Variants in CSNK1G1 observed in about 807,000 individuals in gnomAD.
CSNK1G1 encodes casein kinase 1 gamma 1.
A neutral mutation model predicts 59.6 loss-of-function variants in CSNK1G1; 22 were observed. The ratio of observed to expected loss-of-function variants is 0.37; its 90% confidence interval spans 0.26 to 0.53. CSNK1G1 has a LOEUF of 0.53. Among genes scored for constraint, CSNK1G1 ranks in the 20% least tolerant of loss-of-function variants. The pLI, the probability that CSNK1G1 is intolerant of heterozygous loss-of-function variation, is 0.89. For missense variants in CSNK1G1, 384 were observed against 519.5 expected (o/e 0.74, Z 2.54); for synonymous variants, 179 against 177.1 (o/e 1.01, Z -0.08).
chr15:64,214,065 C>T lies in CSNK1G1; in HGVS notation c.504G>A (p.Glu168=), dbSNP rs749104232. The change falls in exon 6 of 12, where the codon GAG becomes GAA. Residue 168 remains glutamate (E), a synonymous_variant. Coordinates refer to ENST00000303052, the MANE Select transcript of CSNK1G1 (RefSeq NM_022048.5). This position sits in a 1 kb window ranked among gnomAD's most constrained non-coding sequence, Gnocchi z 4.3. ...KNLIYRDVKP[E]NFLIGRQGNK... ...TGCCTTGTCGACCAATCAGGAAGTT[C>T]TCTGGCTTGACATCTCGGTAAATGA... The T allele has an allele frequency of 6.2e-7, 1 of 1,614,098 alleles. No homozygotes were observed. The highest frequency in any genetic ancestry group is 8.5e-7 in the Non-Finnish European group (1 of 1,180,004).
At chr15:64,231,060 C>T (rs989502928) in intron 4 of CSNK1G1, among the ~76,000 whole-genome samples, 2 of 151,580 alleles carry the variant, frequency 1.3e-5, no homozygotes, top group Non-Finnish European at 2.9e-5. Flanking sequence ...GGCATGGTGG[C>T]TCACACCTGT....
At chr15:64,246,176 G>A (rs1891743188) in intron 4 of CSNK1G1, among the ~76,000 whole-genome samples, 1 of 152,136 alleles carries the variant, frequency 6.6e-6, no homozygotes, top group Non-Finnish European at 1.5e-5. Flanking sequence ...ACATAGATAT[G>A]CATGTATCAA....
rs1174245120 is a variant in CSNK1G1 at position 64,327,519 on chromosome 15, T to C, written c.-224-26796A>G. On this transcript the variant is annotated intron_variant, in intron 1 of 11. Coordinates refer to ENST00000303052, the MANE Select transcript of CSNK1G1 (RefSeq NM_022048.5). ...AAAGGACATCCACACCGAAAACCCA[T>C]CTGTACATCACCATCATCAAAGACC... Among the ~76,000 whole-genome samples, 4 of 136,754 alleles carry C rather than the reference T, an allele frequency of 2.9e-5. No homozygotes were observed. In the East Asian group the frequency reaches 9.0e-4, roughly 31 times the overall value. The allele number at this position is 136,754 out of a possible 152,430, so 89.7% of individuals were successfully genotyped here. A position where few individuals can be genotyped will look rare whatever the true frequency, so the allele number is the denominator to read the frequency against.
rs1002949661 is a variant in CSNK1G1, at chr15:64,204,690, T to G, written c.851-101A>C. On this transcript the variant is annotated intron_variant, in intron 8 of 11. Transcript: ENST00000303052. ...ACAAAGGGGTTATTTATACAGACAA[T>G]TTGACACTGATGTTTTCTTTACTGA... 8 of 1,304,056 alleles carry G rather than the reference T, an allele frequency of 6.1e-6. No individual in the cohort carries two copies. In the African/African-American group the frequency reaches 1.2e-4, roughly 19 times the overall value. 80.8% of individuals were successfully genotyped at this position (1,304,056 alleles called of 1,614,324 possible).
chr15:64,182,107 A>AGT (rs1194581116), intron 10 of CSNK1G1, among the ~76,000 whole-genome samples: 1 of 116,074 alleles, frequency 8.6e-6, no homozygotes, highest in African/African-American at 3.5e-5. Flanking sequence ...TCTGTTGCCC[A>AGT]GGCTGGAGTG....
In CSNK1G1 at chr15:64,181,215, C is replaced by T. The variant is rs1446917194; in HGVS notation, c.1108-761G>A. On this transcript the variant is annotated intron_variant, in intron 10 of 11. Coordinates refer to ENST00000303052, the MANE Select transcript of CSNK1G1 (RefSeq NM_022048.5). ...ACGATCTTTATTTCAGGTTCACTGC[C>T]ATCCCAGTTCTCACTGATGGTCCCC... The T allele has an allele frequency of 3.3e-6, 5 of 1,532,604 alleles. No homozygotes were observed. The Admixed American group carries it at 8.0e-5, about 24-fold the overall frequency. The allele number at this position is 1,532,604 out of a possible 1,614,324, so 94.9% of individuals were successfully genotyped here.
At chr15:64,319,418 C>CT (rs754181670) in intron 1 of CSNK1G1, among the ~76,000 whole-genome samples, 93 of 146,216 alleles carry the variant, frequency 6.4e-4, no homozygotes, top group East Asian at 2.6e-3. Context: ...GGAAATATAC[C>CT]TTTTTTTTTT....
At chr15:64,332,253 G>A (rs28785571) in intron 1 of CSNK1G1, among the ~76,000 whole-genome samples, 64,527 of 70,094 alleles carry the variant, frequency 0.92, 30,078 homozygotes, top group East Asian at 0.99. Flanking sequence ...TATTCACAAT[G>A]GCAAAGACTT....
intron 9 of CSNK1G1, 111 bp downstream of exon 9, chr15:64,204,330 T>C: frequency 1.1e-6 from 1 of 922,626 alleles, no homozygotes; most frequent in Non-Finnish European, 1.6e-6. Context: ...ATCAAAGGAA[T>C]ATTTTTACCA....
chr15:64,171,477 T>G lies in CSNK1G1; in HGVS notation c.*454A>C, dbSNP rs1187778513. 1.2e-5 allele frequency: 2 copies of G among 160,396 alleles called. No individual in the cohort carries two copies. Among genetic ancestry groups the G allele is most frequent in the African/African-American group, 2.4e-5 (1 of 41,560 alleles). The allele number at this position is 160,396 out of a possible 1,614,324, so 9.9% of individuals were successfully genotyped here. ...CTCCAGCCCAGGTCTGCCATTTTCC[T>G]CCTACCTTCTTGGCCTTACCCCCAG... is the stretch of plus-strand genomic sequence containing the variant. On this transcript the variant is annotated 3_prime_UTR_variant, in exon 12 of 12. Coordinates refer to ENST00000303052, the MANE Select transcript of CSNK1G1 (RefSeq NM_022048.5). This position sits in a 1 kb window ranked among gnomAD's most constrained non-coding sequence, Gnocchi z 4.8.
chr15:64,186,536 G>A (rs1439747765), intron 10 of CSNK1G1, among the ~76,000 whole-genome samples: 1 of 152,130 alleles, frequency 6.6e-6, no homozygotes, highest in Non-Finnish European at 1.5e-5. Context: ...AAGAGACAGG[G>A]TCTTGCTCTG....
At chr15:64,332,723 TA>T (rs1230454327) in intron 1 of CSNK1G1, among the ~76,000 whole-genome samples, 8 of 145,250 alleles carry the variant, frequency 5.5e-5, no homozygotes, top group East Asian at 2.0e-4. Flanking sequence ...CAAAACAATT[TA>T]AAAAAAAACA....
At position 64,214,866 on chromosome 15, in the gene CSNK1G1, T is replaced by C. The variant is rs780798608; in HGVS notation, c.445-742A>G. On this transcript the variant is annotated intron_variant, in intron 5 of 11. Transcript: ENST00000303052. The surrounding 1 kb of genome is among the most constrained non-coding windows in gnomAD (Gnocchi z 4.3). Reference sequence around the variant, plus strand: ...GTTGGCCACACTGGTCTCAAACTCCTGACCTTGGGTGATCCGTCCTCCTCG... The same window carrying C: ...GTTGGCCACACTGGTCTCAAACTCCCGACCTTGGGTGATCCGTCCTCCTCG... 6.6e-6 allele frequency among the ~76,000 whole-genome samples: 1 copy of C among 151,932 alleles called. No individual in the cohort carries two copies. The highest frequency in any genetic ancestry group is 1.5e-5 in the Non-Finnish European group (1 of 67,950).
Position 64,216,478 on chromosome 15 carries a change from A to T in CSNK1G1, c.444+84T>A. On this transcript the variant is annotated intron_variant, in intron 5 of 11. Transcript: ENST00000303052. This position sits in a 1 kb window ranked among gnomAD's most constrained non-coding sequence, Gnocchi z 4.6. ...GAGTACTAATTCTTGATGTGTTGCTACGGCTAGTAAATCACCAAAAGGCCC... is the reference window on the plus strand; with the variant it reads ...GAGTACTAATTCTTGATGTGTTGCTTCGGCTAGTAAATCACCAAAAGGCCC... The T allele has an allele frequency of 7.4e-7, 1 of 1,345,608 alleles. No homozygotes were observed. Among genetic ancestry groups the T allele is most frequent in the Non-Finnish European group, 1.0e-6 (1 of 958,858 alleles). The allele number at this position is 1,345,608 out of a possible 1,614,324, so 83.4% of individuals were successfully genotyped here. A position where few individuals can be genotyped will look rare whatever the true frequency, so the allele number is the denominator to read the frequency against.
chr15:64,352,034 G>C (rs1265221580), intron 1 of CSNK1G1, among the ~76,000 whole-genome samples: 1 of 152,062 alleles, frequency 6.6e-6, no homozygotes, highest in African/African-American at 2.4e-5. Flanking sequence ...AGGCCGGGCA[G>C]GGCAGTTCAC....
chr15:64,304,903 T>C (rs577649863), intron 1 of CSNK1G1, among the ~76,000 whole-genome samples: 2 of 152,178 alleles, frequency 1.3e-5, no homozygotes, highest in African/African-American at 2.4e-5. Flanking sequence ...AACCAGGCTC[T>C]TTCTGATCTA....
Position 64,188,536 on chromosome 15 carries a change from G to A in CSNK1G1, c.1108-8082C>T. ...AGCAAGATATGGAAGGAAAGGTGAA[G>A]CAACAGCAAGCAATAACAAAATCAA... On this transcript the variant is annotated intron_variant, in intron 10 of 11. Transcript: ENST00000303052. This position sits in a 1 kb window ranked among gnomAD's most constrained non-coding sequence, Gnocchi z 4.2. The A allele has an allele frequency of 1.5e-6, 2 of 1,305,924 alleles. No individual in the cohort carries two copies. The highest frequency in any genetic ancestry group is 2.1e-6 in the Non-Finnish European group (2 of 942,304). The allele number at this position is 1,305,924 out of a possible 1,614,324, so 80.9% of individuals were successfully genotyped here.
In CSNK1G1 at chr15:64,170,896, C is replaced by T. The variant is rs1367008647; in HGVS notation, c.*1035G>A. ...ACTGTAAGCTGATTAGGTCAAGATG[C>T]TCTGGTAGGGACATTCTTCAGCTGC... On this transcript the variant is annotated 3_prime_UTR_variant, in exon 12 of 12. Coordinates refer to ENST00000303052, the MANE Select transcript of CSNK1G1 (RefSeq NM_022048.5). 3 of 152,570 alleles carry T rather than the reference C, an allele frequency of 2.0e-5. No homozygotes were observed. Among genetic ancestry groups the T allele is most frequent in the Admixed American group, 2.0e-4 (3 of 15,284 alleles). The allele number at this position is 152,570 out of a possible 1,614,324, so 9.5% of individuals were successfully genotyped here. A position where few individuals can be genotyped will look rare whatever the true frequency, so the allele number is the denominator to read the frequency against.
chr15:64,229,717 C>G (rs28565160), intron 4 of CSNK1G1, among the ~76,000 whole-genome samples: 1 of 151,916 alleles, frequency 6.6e-6, no homozygotes, highest in East Asian at 1.9e-4. Context: ...AGTCCTGTAT[C>G]TGGATGGCTT....
Sources: allele counts gnomAD v4.1 joint callset (sites outside exome capture counted in the v4.1 genomes callset), GRCh38; gene constraint gnomAD v4.1.1; non-coding constraint Gnocchi (gnomAD v3.1); transcripts MANE v1.5; gene names NCBI Gene and HGNC (gene_info 2026-07-23, HGNC 2026-07-21).